The following PRKN variants were observed in gnomAD, a reference collection of about 807,000 sequenced individuals.
The protein encoded by PRKN is E3 ubiquitin-protein ligase parkin.
A neutral mutation model predicts 59.5 loss-of-function variants in PRKN; 56 were observed. That is an observed-to-expected ratio of 0.94 (90% CI 0.76 to 1.18). PRKN has a LOEUF of 1.18. Among genes scored for constraint, PRKN ranks in the 50% most tolerant of loss-of-function variants. PRKN has a pLI of 0.00. For missense variants in PRKN, 657 were observed against 596.4 expected (o/e 1.10, Z -1.06); for synonymous variants, 250 against 222.1 (o/e 1.13, Z -1.12).
chr6:161,512,328 C>G (rs916631928), intron 9 of PRKN, among the ~76,000 whole-genome samples: 2 of 148,486 alleles, frequency 1.3e-5, no homozygotes, highest in African/African-American at 5.0e-5. Context: ...TGGAAACACA[C>G]TTGGCCAAAA....
Position 161,391,630 on chromosome 6 carries a change from C to T in PRKN, c.1084-4753G>A, listed in dbSNP as rs1786507656. Among the ~76,000 whole-genome samples, 1 of 152,026 alleles carries T rather than the reference C, an allele frequency of 6.6e-6. No homozygotes were observed. Among genetic ancestry groups the T allele is most frequent in the Non-Finnish European group, 1.5e-5 (1 of 68,022 alleles). ...AGGCTATGGTCCTCAGTTACTCAAG[C>T]AGACACTAATCTTGGTGTTTCTGTG... On this transcript the variant is annotated intron_variant, in intron 9 of 11. Transcript: ENST00000366898. This position sits in a 1 kb window ranked among gnomAD's most constrained non-coding sequence, Gnocchi z 4.9.
At chr6:162,068,983 T>C (rs1215538784) in intron 4 of PRKN, among the ~76,000 whole-genome samples, 1 of 152,192 alleles carries the variant, frequency 6.6e-6, no homozygotes, top group African/African-American at 2.4e-5. Context: ...TTCAAAAATA[T>C]AAACACATGT....
At chr6:162,636,083 A>G (rs181775326) in intron 1 of PRKN, among the ~76,000 whole-genome samples, 1 of 152,324 alleles carries the variant, frequency 6.6e-6, no homozygotes, top group African/African-American at 2.4e-5. Context: ...GAAATTATAA[A>G]AATTAAATAT....
At chr6:161,384,709 C>T (rs1024013667) in intron 10 of PRKN, among the ~76,000 whole-genome samples, 1 of 152,304 alleles carries the variant, frequency 6.6e-6, no homozygotes, top group Admixed American at 6.5e-5. Flanking sequence ...GCCCATGTGG[C>T]ACCCTCTGCT....
At chr6:162,431,000 T>C (rs1055429104) in intron 2 of PRKN, among the ~76,000 whole-genome samples, 11 of 152,060 alleles carry the variant, frequency 7.2e-5, no homozygotes, top group Admixed American at 3.3e-4. Flanking sequence ...TCAGGCTGCC[T>C]CCTAAGAATG....
At chr6:162,342,893 C>G (rs988873191) in intron 2 of PRKN, among the ~76,000 whole-genome samples, 5 of 151,980 alleles carry the variant, frequency 3.3e-5, no homozygotes, top group Admixed American at 1.3e-4. Context: ...CAAGCAAACA[C>G]AAAATATGAT....
At chr6:162,698,873 T>G (rs1311648114) in intron 1 of PRKN, among the ~76,000 whole-genome samples, 1 of 152,210 alleles carries the variant, frequency 6.6e-6, no homozygotes, top group African/African-American at 2.4e-5. Context: ...TTCTAACATC[T>G]AGACTATTAA....
intron 1 of PRKN, among the ~76,000 whole-genome samples, chr6:162,582,332 G>C (rs1314841994): frequency 1.3e-5 from 2 of 152,140 alleles, no homozygotes; most frequent in Admixed American, 1.3e-4. Flanking sequence ...ACTGGAATGA[G>C]AATGTTTATC....
chr6:161,569,684 C>T (rs1486643073), intron 7 of PRKN, among the ~76,000 whole-genome samples: 2 of 152,190 alleles, frequency 1.3e-5, no homozygotes, highest in East Asian at 3.8e-4. Context: ...TATGATCTGG[C>T]CTTAGGATGT....
intron 7 of PRKN, among the ~76,000 whole-genome samples, chr6:161,658,428 T>G (rs1397784541): frequency 6.6e-6 from 1 of 152,166 alleles, no homozygotes; most frequent in Non-Finnish European, 1.5e-5. Context: ...AGTTAATCAT[T>G]TAAAACTAGA....
At chr6:161,726,089 C>G (rs1450320264) in intron 7 of PRKN, among the ~76,000 whole-genome samples, 3 of 152,248 alleles carry the variant, frequency 2.0e-5, no homozygotes, top group Non-Finnish European at 4.4e-5. Context: ...GTCTGAGGCT[C>G]TCGTCAATGT....
Position 161,416,594 on chromosome 6 carries a change from T to C in PRKN, c.1084-29717A>G, listed in dbSNP as rs1409901914. On this transcript the variant is annotated intron_variant, in intron 9 of 11. Transcript: ENST00000366898. ...GAGTAATAGCAACAGAGACCCGTTC[T>C]TACCAGTGACCCCCGACCAGCCTCA... Among the ~76,000 whole-genome samples the C allele has an allele frequency of 1.3e-5, 2 of 152,144 alleles. 1 individual carries two copies. Among genetic ancestry groups the C allele is most frequent in the Non-Finnish European group, 2.9e-5 (2 of 68,026 alleles).
At chr6:162,026,526 TAA>T (rs1783441572) in intron 5 of PRKN, among the ~76,000 whole-genome samples, 1 of 152,190 alleles carries the variant, frequency 6.6e-6, no homozygotes, top group African/African-American at 2.4e-5. Flanking sequence ...TCAACTTTCC[TAA>T]AAGAGATGCT....
At chr6:162,685,242 C>T (rs368913086) in intron 1 of PRKN, among the ~76,000 whole-genome samples, 5 of 152,198 alleles carry the variant, frequency 3.3e-5, no homozygotes, top group East Asian at 1.9e-4. Flanking sequence ...AATCAATGTA[C>T]GTTTGCAGTC....
intron 6 of PRKN, among the ~76,000 whole-genome samples, chr6:161,840,407 T>C (rs1792935286): frequency 6.6e-6 from 1 of 152,214 alleles, no homozygotes; most frequent in African/African-American, 2.4e-5. Flanking sequence ...ATCTCGAAGA[T>C]TGCCACATCA....
At chr6:161,921,918 T>C (rs1322063471) in intron 6 of PRKN, among the ~76,000 whole-genome samples, 1 of 152,176 alleles carries the variant, frequency 6.6e-6, no homozygotes, top group Non-Finnish European at 1.5e-5. Context: ...ACCTCTCTTG[T>C]AGAACAACAT....
In PRKN at chr6:162,443,356, C is replaced by A. The variant is rs368134308; in HGVS notation, c.125G>T (p.Arg42Leu). The change falls in exon 2 of 12, where the codon CGT becomes CTT. Residue 42 changes from arginine (R) to leucine (L), a missense_variant. Transcript: ENST00000366898. The stretch of plus-strand genomic sequence containing the variant: ...CAGCTCCTTCCCTGCGAAAATCACA[C>A]GCAACTGGTCAGCCGGAACCCCCTG... The part of the protein sequence containing the change: ...KRQGVPADQL[R>L]VIFAGKELRN... 1.2e-6 allele frequency: 2 copies of A among 1,613,228 alleles called. No homozygotes were observed. The highest frequency in any genetic ancestry group is 1.7e-6 in the Non-Finnish European group (2 of 1,180,034).
At chr6:162,123,261 T>G (rs1399410325) in intron 4 of PRKN, among the ~76,000 whole-genome samples, 1 of 152,112 alleles carries the variant, frequency 6.6e-6, no homozygotes. Flanking sequence ...CAATAAAGAT[T>G]AAACTGTTGG....
chr6:162,534,992 C>A (rs923134561), intron 1 of PRKN, among the ~76,000 whole-genome samples: 1 of 148,576 alleles, frequency 6.7e-6, no homozygotes, highest in African/African-American at 2.6e-5. Context: ...CTCTTCCTTC[C>A]CCAGTCCTCT....
Sources: gnomAD v4.1 joint callset for allele counts (sites outside exome capture counted in the v4.1 genomes callset) on GRCh38, gnomAD v4.1.1 for gene constraint, Gnocchi (gnomAD v3.1) non-coding constraint, MANE v1.5 for transcripts, NCBI Gene and HGNC (gene_info 2026-07-23, HGNC 2026-07-21) for gene names.